Variants in EHMT1 observed in about 807,000 individuals in gnomAD.
The protein encoded by EHMT1 is euchromatic histone lysine methyltransferase 1, also known as histone-lysine N-methyltransferase EHMT1.
Under a neutral mutation model 147.2 loss-of-function variants are expected in EHMT1, and 15 were observed. That is an observed-to-expected ratio of 0.10 (90% CI 0.07 to 0.16). The LOEUF is 0.16. Among genes scored for constraint, EHMT1 ranks in the 10% least tolerant of loss-of-function variants. The pLI, the probability that EHMT1 is intolerant of heterozygous loss-of-function variation, is 1.00. For missense variants in EHMT1, 1,587 were observed against 1,772.4 expected, an observed-to-expected ratio of 0.90 and a Z score of 1.88; for synonymous variants, 795 against 709.6, an observed-to-expected ratio of 1.12 and a Z score of -1.91.
Position 137,691,309 on chromosome 9 carries a change from T to TTATA in EHMT1, c.22-19645_22-19642dup, listed in dbSNP as rs543280328. On this transcript the variant is annotated intron_variant, in intron 1 of 26. Coordinates refer to ENST00000460843, the MANE Select transcript of EHMT1 (RefSeq NM_024757.5). ...TTAAGGCTGAATAGTATATATGTAA[T>TTATA]TATATATATATATATAAAATATATT... 5.2e-3 allele frequency among the ~76,000 whole-genome samples: 773 copies of TTATA among 147,596 alleles called. 8 individuals are homozygous for TTATA. Among genetic ancestry groups the TTATA allele is most frequent in the African/African-American group, 0.018 (729 of 40,026 alleles).
chr9:137,645,463 T>A (rs1844815233), intron 1 of EHMT1, among the ~76,000 whole-genome samples: 1 of 152,250 alleles, frequency 6.6e-6, no homozygotes, highest in Non-Finnish European at 1.5e-5. Context: ...CACATGAGAA[T>A]GCACATGGCG....
At chr9:137,796,156 G>A (rs774899525) in intron 16 of EHMT1, among the ~76,000 whole-genome samples, 2 of 152,232 alleles carry the variant, frequency 1.3e-5, no homozygotes, top group Non-Finnish European at 2.9e-5. Context: ...GCGCTTGCAC[G>A]TGGCAAGCAG....
chr9:137,803,241 T>G (rs2137442918), intron 18 of EHMT1: 1 of 1,091,600 alleles, frequency 9.2e-7, no homozygotes, highest in South Asian at 4.5e-5. Context: ...TGCTGTATAA[T>G]AGGTAGGCTG....
intron 1 of EHMT1, among the ~76,000 whole-genome samples, chr9:137,668,020 T>C (rs892897693): frequency 4.6e-5 from 7 of 152,126 alleles, no homozygotes; most frequent in African/African-American, 1.7e-4. Flanking sequence ...TGAGAGGGTG[T>C]TGCAAAGGAG....
intron 18 of EHMT1, among the ~76,000 whole-genome samples, chr9:137,810,279 G>A (rs1794767159): frequency 1.3e-5 from 2 of 152,258 alleles, no homozygotes; most frequent in South Asian, 2.1e-4. Context: ...CGGTTCCGAT[G>A]CCGCCCTGCG....
Position 137,811,486 on chromosome 9 carries a change from C to T in EHMT1, c.2738C>T (p.Ala913Val). 2.5e-6 allele frequency: 4 copies of T among 1,612,260 alleles called. No homozygotes were observed. Among genetic ancestry groups the T allele is most frequent in the Non-Finnish European group, 3.4e-6 (4 of 1,179,994 alleles). The change falls in exon 19 of 27, where the codon GCG (alanine) becomes GTG (valine). Residue 913 changes from alanine (A) to valine (V), a missense_variant. Coordinates refer to ENST00000460843, the MANE Select transcript of EHMT1 (RefSeq NM_024757.5). ...GAGGAGAACATTTGCCTGCACTGGG[C>T]GGCGTTCTCCGGCTGCGTGGACATA... ...DNEENICLHWAAFSGCVDIAE... is the reference protein window; with the variant it reads ...DNEENICLHWVAFSGCVDIAE...
chr9:137,662,554 T>C (rs1240248652), intron 1 of EHMT1, among the ~76,000 whole-genome samples: 3 of 151,864 alleles, frequency 2.0e-5, no homozygotes, highest in Non-Finnish European at 4.4e-5. Flanking sequence ...GGCTGTAGTG[T>C]AGTGGCATGA....
At chr9:137,708,946 T>C (rs898923691) in intron 1 of EHMT1, among the ~76,000 whole-genome samples, 23 of 152,218 alleles carry the variant, frequency 1.5e-4, no homozygotes, top group Non-Finnish European at 2.9e-5. Context: ...CCCCTTCCTC[T>C]GATGTGGAAC....
At position 137,692,066 on chromosome 9, in the gene EHMT1, G is replaced by C. The variant is rs575651389; in HGVS notation, c.22-18901G>C. On this transcript the variant is annotated intron_variant, in intron 1 of 26. Transcript: ENST00000460843. ...AGGCAGAACTAATGAGAAGGGTGAT[G>C]TGTGTAAGAATTTGGAAATGGTATA... Among the ~76,000 whole-genome samples the C allele has an allele frequency of 1.1e-4, 17 of 152,254 alleles. No individual in the cohort carries two copies. In the East Asian group the frequency reaches 3.3e-3, roughly 29 times the overall value.
rs951800424 is a variant in EHMT1, at chr9:137,787,198, C to T, written c.2383-3650C>T. On this transcript the variant is annotated intron_variant, in intron 15 of 26. Coordinates refer to ENST00000460843, the MANE Select transcript of EHMT1 (RefSeq NM_024757.5). This position sits in a 1 kb window ranked among gnomAD's most constrained non-coding sequence, Gnocchi z 4.2. ...CTCATGTTTTCATCGGTCTGCTCTT[C>T]TGTCATCTCTCATTAAAAAAAAATG... 2.0e-5 allele frequency: 3 copies of T among 152,512 alleles called. No homozygotes were observed. The highest frequency in any genetic ancestry group is 7.2e-5 in the African/African-American group (3 of 41,430). 9.4% of individuals were successfully genotyped at this position (152,512 alleles called of 1,614,324 possible).
chr9:137,643,948 C>G (rs1005992131), intron 1 of EHMT1, among the ~76,000 whole-genome samples: 6 of 152,236 alleles, frequency 3.9e-5, no homozygotes, highest in Non-Finnish European at 7.4e-5. Flanking sequence ...GTCTTCTCAC[C>G]CCTGTCTGAC....
chr9:137,623,910 G>A (rs1459737418), intron 1 of EHMT1, among the ~76,000 whole-genome samples: 1 of 151,942 alleles, frequency 6.6e-6, no homozygotes, highest in Non-Finnish European at 1.5e-5. Flanking sequence ...TTGACCTCCC[G>A]GGCTGAAGTA....
rs369554398 is a variant in EHMT1 at position 137,824,371 on chromosome 9, T to C, written c.3540+6233T>C. Among the ~76,000 whole-genome samples the C allele has an allele frequency of 2.2e-4, 33 of 152,354 alleles. No homozygotes were observed. In the East Asian group the frequency reaches 2.9e-3, roughly 13 times the overall value. ...GACCATGTTTTGTTCCTTTGATCTATTTGCTGATCCTCAAACAATGACACA... is the reference window on the plus strand; with the variant it reads ...GACCATGTTTTGTTCCTTTGATCTACTTGCTGATCCTCAAACAATGACACA... On this transcript the variant is annotated intron_variant, in intron 25 of 26. Transcript: ENST00000460843.
intron 1 of EHMT1, among the ~76,000 whole-genome samples, chr9:137,635,429 C>T (rs1033095441): frequency 6.6e-6 from 1 of 151,116 alleles, no homozygotes; most frequent in South Asian, 2.1e-4. Context: ...GTTGGACAGG[C>T]TGGTCTTGAA....
chr9:137,717,672 G>T lies in EHMT1; in HGVS notation c.642+490G>T, dbSNP rs192350879. On this transcript the variant is annotated intron_variant, in intron 3 of 26. Transcript: ENST00000460843. ...TGCGTGAGTGACAAAGCGGAGTGAT[G>T]CCAGGTGACGCCTCGCTTCCTTCTT... Among the ~76,000 whole-genome samples the T allele has an allele frequency of 4.0e-5, 6 of 151,484 alleles. No individual in the cohort carries two copies. In the East Asian group the frequency reaches 1.2e-3, roughly 29 times the overall value.
intron 25 of EHMT1, among the ~76,000 whole-genome samples, chr9:137,833,446 C>T (rs1312482447): frequency 6.6e-6 from 1 of 152,256 alleles, no homozygotes; most frequent in South Asian, 2.1e-4. Context: ...GCCCAGGTCC[C>T]TGTGGTTGCG....
intron 1 of EHMT1, among the ~76,000 whole-genome samples, chr9:137,704,652 T>C (rs553330754): frequency 6.6e-6 from 1 of 152,288 alleles, no homozygotes; most frequent in South Asian, 2.1e-4. Flanking sequence ...TTCTTTTTAC[T>C]TTGATCCTTC....
Position 137,696,145 on chromosome 9 carries a change from AAAAGAC to A in EHMT1, c.22-14818_22-14813del, listed in dbSNP as rs1166313428. ...CCTTTTTCTGCCAAGGGAAAAAACA[AAAAGAC>A]AAAAGAGGGAAAAGAAAATCTCTCA... On this transcript the variant is annotated intron_variant, in intron 1 of 26. Transcript: ENST00000460843. Among the ~76,000 whole-genome samples, 3 of 152,378 alleles carry A rather than the reference AAAAGAC, an allele frequency of 2.0e-5. No homozygotes were observed. The East Asian group carries it at 5.8e-4, about 29-fold the overall frequency.
At position 137,821,285 on chromosome 9, in the gene EHMT1, C is replaced by G. The variant is rs1955396871; in HGVS notation, c.3540+3147C>G. 2.1e-5 allele frequency among the ~76,000 whole-genome samples: 3 copies of G among 139,570 alleles called. 1 individual carries two copies. The South Asian group carries it at 7.1e-4, about 33-fold the overall frequency. The allele number at this position is 139,570 out of a possible 152,430, so 91.6% of individuals were successfully genotyped here. ...CCACCTGCCTCGGCCTCCCAAAGTG[C>G]TGGGATTACAGGCATGAGCCACTGC... On this transcript the variant is annotated intron_variant, in intron 25 of 26. Coordinates refer to ENST00000460843, the MANE Select transcript of EHMT1 (RefSeq NM_024757.5).
Sources: gnomAD v4.1 joint callset for allele counts (sites outside exome capture counted in the v4.1 genomes callset) on GRCh38, gnomAD v4.1.1 for gene constraint, Gnocchi (gnomAD v3.1) non-coding constraint, MANE v1.5 for transcripts, NCBI Gene and HGNC (gene_info 2026-07-23, HGNC 2026-07-21) for gene names.